The following SDHA variants were observed in gnomAD, a reference collection of about 807,000 sequenced individuals.
SDHA encodes succinate dehydrogenase [ubiquinone] flavoprotein subunit, mitochondrial.
A neutral mutation model predicts 78.4 loss-of-function variants in SDHA; 48 were observed. The ratio of observed to expected loss-of-function variants is 0.61; its 90% CI spans 0.49 to 0.78. The LOEUF (loss-of-function observed/expected upper bound fraction) is 0.78. SDHA is among the 30% of genes least tolerant of loss of function. The probability of loss-of-function intolerance (pLI) is 0.00; values close to 1 mark genes in which losing one functional copy is unlikely to be tolerated. For missense variants in SDHA, 680 were observed against 892.7 expected (o/e 0.76, Z 3.04); for synonymous variants, 326 against 353.9 (o/e 0.92, Z 0.88).
At chr5:251,252 A>G in intron 12 of SDHA, 86 bp from the exon 13 acceptor site, 7 of 1,539,072 alleles carry the variant, frequency 4.5e-6, no homozygotes, top group African/African-American at 1.4e-5. Flanking sequence ...CAGTGACTCC[A>G]TGGACTAGCA....
chr5:251,158 G>A lies in SDHA; in HGVS notation c.1663+55G>A. 1.9e-6 allele frequency: 3 copies of A among 1,584,366 alleles called. No individual in the cohort carries two copies. The South Asian group carries it at 3.3e-5, about 18-fold the overall frequency. On this transcript the variant is annotated intron_variant, in intron 12 of 14. Transcript: ENST00000264932. Reference sequence around the variant, plus strand: ...GTTGGGCCCTTCCTTCTGCAGGGTGGGCTGGTGTCTGTCCCGTCAGTGCTG... The same window carrying A: ...GTTGGGCCCTTCCTTCTGCAGGGTGAGCTGGTGTCTGTCCCGTCAGTGCTG...
chr5:244,868 G>A (rs1445482740), intron 11 of SDHA, among the ~76,000 whole-genome samples: 10 of 152,158 alleles, frequency 6.6e-5, no homozygotes, highest in African/African-American at 2.4e-4. Context: ...CAATTATATA[G>A]CCCTCAAAGT....
At chr5:246,845 G>C (rs1442650275) in intron 11 of SDHA, among the ~76,000 whole-genome samples, 1 of 152,196 alleles carries the variant, frequency 6.6e-6, no homozygotes, top group Non-Finnish European at 1.5e-5. Context: ...GGGAGAACTT[G>C]GATTGTTAAA....
rs192949884 is a variant in SDHA at position 242,931 on chromosome 5, G to A, written c.1551+2455G>A. Reference sequence around the variant, plus strand: ...TTTGTTTGCCAACTAAAGCTAAAGCGGCAAAGGAGGGAGAGGTTCATCCCT... The same window carrying A: ...TTTGTTTGCCAACTAAAGCTAAAGCAGCAAAGGAGGGAGAGGTTCATCCCT... On this transcript the variant is annotated intron_variant, in intron 11 of 14. Transcript: ENST00000264932. Among the ~76,000 whole-genome samples, 337 of 152,268 alleles carry A rather than the reference G, an allele frequency of 2.2e-3. 1 individual carries two copies. Among genetic ancestry groups the A allele is most frequent in the African/African-American group, 7.5e-3 (312 of 41,540 alleles).
chr5:218,798 G>T (rs867246344), intron 1 of SDHA, among the ~76,000 whole-genome samples: 51 of 152,342 alleles, frequency 3.3e-4, no homozygotes, highest in African/African-American at 1.2e-3. Context: ...TCACCCGGGC[G>T]GATAGCGGCC....
chr5:250,874 C>T, intron 11 of SDHA, 118 bp from the exon 12 acceptor site: 1 of 872,140 alleles, frequency 1.1e-6, no homozygotes, highest in South Asian at 1.4e-5. Context: ...CCTAATTTTT[C>T]TGTTTAATTT....
chr5:224,407 G>A lies in SDHA; in HGVS notation c.198G>A (p.Val66=), dbSNP rs1429525714. Residue 66 remains valine, a synonymous_variant, in exon 3 of 15, where the codon GTG becomes GTA. Coordinates refer to ENST00000264932, the MANE Select transcript of SDHA (RefSeq NM_004168.4). The part of the protein sequence containing the change: ...PVVDHEFDAV[V]VGAGGAGLRA... ...TGGATCATGAATTTGATGCAGTGGT[G>A]GTAGGCGCTGGAGGGGCAGGCTTGC... The A allele has an allele frequency of 1.2e-6, 2 of 1,613,542 alleles. No individual in the cohort carries two copies. The highest frequency in any genetic ancestry group is 1.7e-6 in the Non-Finnish European group (2 of 1,179,824).
At chr5:251,786 A>G (rs1410740032) in intron 13 of SDHA, 3 of 1,295,332 alleles carry the variant, frequency 2.3e-6, no homozygotes, top group African/African-American at 3.0e-5. Context: ...AGTTTATTAA[A>G]TAACGAGTAA....
chr5:261,724 T>G (rs564435971), downstream of SDHA, among the ~76,000 whole-genome samples: 75 of 26,646 alleles, frequency 2.8e-3, 11 homozygotes, highest in Admixed American at 4.3e-3. Context: ...AGCATTACCG[T>G]GTGAGCTCCG....
downstream of SDHA, among the ~76,000 whole-genome samples, chr5:257,576 C>T (rs1378480280): frequency 5.5e-5 from 7 of 127,910 alleles, no homozygotes; most frequent in African/African-American, 2.0e-4. Context: ...GTGTGAGCTC[C>T]GCCCCTGCCA....
intron 10 of SDHA, among the ~76,000 whole-genome samples, chr5:239,995 C>T (rs2126601498): frequency 6.6e-6 from 1 of 152,304 alleles, no homozygotes; most frequent in East Asian, 1.9e-4. Flanking sequence ...TCTTGAATTC[C>T]TGACCTCAAG....
chr5:254,626 C>T (rs775191886), intron 14 of SDHA, 120 bp downstream of exon 14: 4 of 1,436,634 alleles, frequency 2.8e-6, no homozygotes, highest in Non-Finnish European at 2.8e-6. Flanking sequence ...CAACTCCCGA[C>T]AGATTCGAGG....
Position 256,836 on chromosome 5 carries a change from T to C in SDHA, c.*416T>C, listed in dbSNP as rs1579449694. 1 of 285,688 alleles carries C rather than the reference T, an allele frequency of 3.5e-6. No individual in the cohort carries two copies. Among genetic ancestry groups the C allele is most frequent in the East Asian group, 5.4e-5 (1 of 18,440 alleles). The allele number at this position is 285,688 out of a possible 1,614,324, so 17.7% of individuals were successfully genotyped here. A position where few individuals can be genotyped will look rare whatever the true frequency, so the allele number is the denominator to read the frequency against. On this transcript the variant is annotated 3_prime_UTR_variant, in exon 15 of 15. Coordinates refer to ENST00000264932, the MANE Select transcript of SDHA (RefSeq NM_004168.4). ...TTTTTTCTTTTTCTTTTCTTTTTTTTTTTTGAGACAGGATCGGTGCAGTAG... is the reference window on the plus strand; with the variant it reads ...TTTTTTCTTTTTCTTTTCTTTTTTTCTTTTGAGACAGGATCGGTGCAGTAG...
intron 1 of SDHA, 129 bp downstream of exon 1, chr5:218,547 G>C: frequency 7.1e-6 from 5 of 706,574 alleles, no homozygotes; most frequent in Non-Finnish European, 1.0e-5. Flanking sequence ...GGATCGGGAA[G>C]GGGCTGAGAG....
At chr5:221,582 T>A (rs1159986825) in intron 1 of SDHA, among the ~76,000 whole-genome samples, 1 of 152,234 alleles carries the variant, frequency 6.6e-6, no homozygotes, top group Non-Finnish European at 1.5e-5. Flanking sequence ...TCATCTGAAA[T>A]TCTGTATTGT....
downstream of SDHA, among the ~76,000 whole-genome samples, chr5:261,338 C>T (rs541932167): frequency 4.6e-4 from 11 of 23,904 alleles, no homozygotes; most frequent in Non-Finnish European, 8.0e-4. Flanking sequence ...AGAGCATTAC[C>T]GTGTGAGCTC....
intron 1 of SDHA, 120 bp downstream of exon 1, chr5:218,538 G>C (rs1734519694): frequency 5.2e-6 from 4 of 773,492 alleles, no homozygotes. Context: ...TCTGTCCCGG[G>C]ATCGGGAAGG....
chr5:231,559 CA>C lies in SDHA; in HGVS notation c.895+578del, dbSNP rs56152705. On this transcript the variant is annotated intron_variant, in intron 7 of 14. Coordinates refer to ENST00000264932, the MANE Select transcript of SDHA (RefSeq NM_004168.4). Reference sequence around the variant, plus strand: ...TGGGCAACAGAGTAAGACTCCGTCTCAAAAAAAAAAAAAAAAAAAGTAAAGC... The same window carrying C: ...TGGGCAACAGAGTAAGACTCCGTCTCAAAAAAAAAAAAAAAAAAGTAAAGC... Among the ~76,000 whole-genome samples the C allele has an allele frequency of 1.4e-3, 140 of 99,180 alleles. 1 individual carries two copies. The highest frequency in any genetic ancestry group is 7.9e-3 in the South Asian group (21 of 2,654). 65.1% of individuals were successfully genotyped at this position (99,180 alleles called of 152,430 possible). A position where few individuals can be genotyped will look rare whatever the true frequency, so the allele number is the denominator to read the frequency against.
In SDHA at chr5:224,670, T is replaced by C. The variant is rs1579382323; in HGVS notation, c.312+149T>C. The C allele has an allele frequency of 7.5e-6, 6 of 798,164 alleles. No homozygotes were observed. In the South Asian group the frequency reaches 9.2e-5, roughly 12 times the overall value. 49.4% of individuals were successfully genotyped at this position (798,164 alleles called of 1,614,324 possible). ...TACTCAGCTCACCCTCTCAGGGGTC[T>C]CTCCCTGGAGCCTCTTCCCTGGGGA... On this transcript the variant is annotated intron_variant, in intron 3 of 14. Transcript: ENST00000264932.
Sources: gnomAD v4.1 joint callset for allele counts (sites outside exome capture counted in the v4.1 genomes callset) on GRCh38, gnomAD v4.1.1 for gene constraint, MANE v1.5 for transcripts, NCBI Gene and HGNC (gene_info 2026-07-23, HGNC 2026-07-21) for gene names.